Variants in CELF2 observed in about 807,000 individuals in gnomAD.
CELF2 encodes CUGBP Elav-like family member 2.
A neutral mutation model predicts 62.6 loss-of-function variants in CELF2; 8 were observed. The observed-to-expected ratio is 0.13, with a 90% CI of 0.07 to 0.23. The LOEUF (loss-of-function observed/expected upper bound fraction) is 0.23, where lower values mean the gene tolerates loss of function less well. Ranked by LOEUF, CELF2 falls within the 10% of genes least tolerant of loss-of-function variation. CELF2 has a pLI of 1.00. For missense variants in CELF2, 333 were observed against 671.0 expected (o/e 0.50, Z 5.56); for synonymous variants, 258 against 250.0 (o/e 1.03, Z -0.30).
chr10:10,798,647 G>A, exon 1 of CELF2: 1 of 398,216 alleles, frequency 2.5e-6, no homozygotes, highest in Non-Finnish European at 4.4e-6. Context: ...GTCAGCCCGG[G>A]AAGGAGGGAG....
At chr10:10,807,608 A>AG (rs1167126836) in intron 1 of CELF2, among the ~76,000 whole-genome samples, 2 of 152,182 alleles carry the variant, frequency 1.3e-5, no homozygotes, top group African/African-American at 4.8e-5. Flanking sequence ...AAATGTTTCT[A>AG]TTTTGTTTAC....
the CELF2 span, among the ~76,000 whole-genome samples, chr10:10,614,230 T>G: frequency 6.6e-6 from 1 of 152,008 alleles, no homozygotes; most frequent in African/African-American, 2.4e-5. Context: ...CATTTTCCCT[T>G]TGGTAATTTT....
chr10:10,895,429 G>A (rs1455822909), intron 1 of CELF2, among the ~76,000 whole-genome samples: 4 of 152,096 alleles, frequency 2.6e-5, no homozygotes, highest in Admixed American at 1.3e-4. Flanking sequence ...AAGTATGGCC[G>A]TTTTCACCTT....
chr10:11,171,983 A>G (rs2069026113), intron 2 of CELF2, among the ~76,000 whole-genome samples: 1 of 152,198 alleles, frequency 6.6e-6, no homozygotes, highest in Admixed American at 6.5e-5. Context: ...AAGTAATAGA[A>G]GTGGACCTGG....
chr10:10,631,382 G>A, the CELF2 span, among the ~76,000 whole-genome samples: 14 of 152,144 alleles, frequency 9.2e-5, no homozygotes, highest in East Asian at 1.5e-3. Flanking sequence ...CTAACCTTCC[G>A]TCTCCAACCC....
intron 1 of CELF2, among the ~76,000 whole-genome samples, chr10:11,069,631 A>G (rs965808174): frequency 3.3e-5 from 5 of 152,196 alleles, no homozygotes; most frequent in South Asian, 2.1e-4. Flanking sequence ...TATGGTTTTT[A>G]TAAGTGGACA....
chr10:10,696,186 G>A, the CELF2 span, among the ~76,000 whole-genome samples: 7 of 152,042 alleles, frequency 4.6e-5, no homozygotes, highest in East Asian at 1.9e-4. Flanking sequence ...TTTTTGGTGT[G>A]GATGTCCTTT....
At chr10:10,825,973 G>T (rs1477224497) in intron 1 of CELF2, among the ~76,000 whole-genome samples, 1 of 152,142 alleles carries the variant, frequency 6.6e-6, no homozygotes, top group Non-Finnish European at 1.5e-5. Context: ...TATACTCTCT[G>T]CCAGGAGCTG....
intron 1 of CELF2, among the ~76,000 whole-genome samples, chr10:10,914,770 A>T (rs973525272): frequency 3.3e-5 from 5 of 152,204 alleles, no homozygotes; most frequent in Admixed American, 3.3e-4. Flanking sequence ...TTGCTGGGAC[A>T]GTTCTTTTTC....
rs796857171 is a variant in CELF2, at chr10:10,908,214, A to AT, written c.54-11727dup. Among the ~76,000 whole-genome samples, 519 of 83,728 alleles carry AT rather than the reference A, an allele frequency of 6.2e-3. 49 individuals carry two copies. The highest frequency in any genetic ancestry group is 0.014 in the African/African-American group (299 of 20,630). 54.9% of individuals were successfully genotyped at this position (83,728 alleles called of 152,430 possible). ...TCCTTGTCAAAGAATGTATGAGGGG[A>AT]TTTTTTTTTTTTTTTTTTTTTTTGA... is the stretch of plus-strand genomic sequence containing the variant. On this transcript the variant is annotated intron_variant, in intron 1 of 13. Transcript: ENST00000636488.
At chr10:11,140,849 T>G (rs1367911238) in intron 1 of CELF2, among the ~76,000 whole-genome samples, 1 of 152,108 alleles carries the variant, frequency 6.6e-6, no homozygotes, top group East Asian at 1.9e-4. Flanking sequence ...AGAACCCATC[T>G]CTACAAAAAA....
chr10:10,625,255 T>G, the CELF2 span, among the ~76,000 whole-genome samples: 3 of 152,188 alleles, frequency 2.0e-5, no homozygotes, highest in Non-Finnish European at 2.9e-5. Context: ...CTTGCTATAT[T>G]ATCTAAGGGC....
chr10:11,029,923 G>A (rs2059832929), intron 1 of CELF2, among the ~76,000 whole-genome samples: 1 of 152,192 alleles, frequency 6.6e-6, no homozygotes. Context: ...CACCTCAGAA[G>A]CCACGTGATT....
In CELF2 at chr10:10,924,281, CAAAAAAA is replaced by C. The variant is rs11415164; in HGVS notation, c.89+4305_89+4311del. On this transcript the variant is annotated intron_variant, in intron 2 of 13. Coordinates refer to the CELF2 transcript ENST00000636488. The stretch of plus-strand genomic sequence containing the variant: ...TGGGCAACACAGCGAGACTCCGTCC[CAAAAAAA>C]AAAAAAAAAAAAAAAAAAAAAAGAT... Among the ~76,000 whole-genome samples the C allele has an allele frequency of 2.5e-3, 113 of 45,092 alleles. 1 individual carries two copies. Among genetic ancestry groups the C allele is most frequent in the African/African-American group, 8.2e-3 (95 of 11,630 alleles). 29.6% of individuals were successfully genotyped at this position (45,092 alleles called of 152,430 possible). A position where few individuals can be genotyped will look rare whatever the true frequency, so the allele number is the denominator to read the frequency against.
At chr10:11,149,787 T>G (rs2062980299) in intron 1 of CELF2, among the ~76,000 whole-genome samples, 1 of 152,126 alleles carries the variant, frequency 6.6e-6, no homozygotes. Context: ...TCGCTAAGTG[T>G]GTGTGTCATT....
At chr10:10,733,373 G>A in the CELF2 span, among the ~76,000 whole-genome samples, 2 of 152,036 alleles carry the variant, frequency 1.3e-5, no homozygotes, top group Non-Finnish European at 2.9e-5. Flanking sequence ...TGTTCCAACT[G>A]CAGTCATCAA....
the CELF2 span, among the ~76,000 whole-genome samples, chr10:10,532,381 G>T: frequency 6.6e-6 from 1 of 152,204 alleles, no homozygotes; most frequent in Admixed American, 6.5e-5. Flanking sequence ...TGGCATATAT[G>T]TAGAACTCAT....
chr10:10,564,657 C>T, the CELF2 span, among the ~76,000 whole-genome samples: 1 of 102,270 alleles, frequency 9.8e-6, no homozygotes, highest in African/African-American at 4.7e-5. Context: ...CACACACACA[C>T]ACACACACAC....
the CELF2 span, among the ~76,000 whole-genome samples, chr10:10,523,988 G>A: frequency 6.6e-6 from 1 of 152,158 alleles, no homozygotes; most frequent in Non-Finnish European, 1.5e-5. Flanking sequence ...AATTTATATA[G>A]ATAAACTGTA....
Sources: gnomAD v4.1 joint callset for allele counts (sites outside exome capture counted in the v4.1 genomes callset) on GRCh38, gnomAD v4.1.1 for gene constraint, MANE v1.5 for transcripts, NCBI Gene and HGNC (gene_info 2026-07-23, HGNC 2026-07-21) for gene names.